Variants in MAP3K7CL observed in about 807,000 individuals in gnomAD.
MAP3K7CL encodes the protein MAP3K7 C-terminal-like protein.
MAP3K7CL carries 16 observed loss-of-function variants against 18.6 expected under a neutral mutation model. That is an observed-to-expected ratio of 0.86 (90% CI 0.58 to 1.31). The LOEUF (loss-of-function observed/expected upper bound fraction) is 1.31, where lower values mean the gene tolerates loss of function less well. MAP3K7CL is among the 50% of genes most tolerant of loss of function. The pLI is 0.00. For missense variants in MAP3K7CL, 163 were observed against 174.4 expected, an observed-to-expected ratio of 0.93 and a Z score of 0.37; for synonymous variants, 65 against 66.8, an observed-to-expected ratio of 0.97 and a Z score of 0.13.
chr21:29,132,741 C>T (rs1283414083), intron 1 of MAP3K7CL, among the ~76,000 whole-genome samples: 2 of 152,068 alleles, frequency 1.3e-5, no homozygotes, highest in Non-Finnish European at 2.9e-5. Flanking sequence ...AACTTCTGAC[C>T]TCAGGGGATC....
chr21:29,118,755 T>C (rs895539521), intron 4 of MAP3K7CL, among the ~76,000 whole-genome samples: 2 of 152,194 alleles, frequency 1.3e-5, no homozygotes, highest in African/African-American at 4.8e-5. Context: ...GGAGGACAAA[T>C]TATGAAGGGC....
intron 4 of MAP3K7CL, among the ~76,000 whole-genome samples, chr21:29,116,224 A>G (rs1373772200): frequency 6.6e-6 from 1 of 152,270 alleles, no homozygotes; most frequent in African/African-American, 2.4e-5. Flanking sequence ...TAACTCTGTC[A>G]CTGAACAAGC....
intron 1 of MAP3K7CL, chr21:29,091,390 T>C: frequency 1.7e-6 from 1 of 584,346 alleles, no homozygotes; most frequent in Admixed American, 3.3e-5. Flanking sequence ...TAAGTCACTC[T>C]AGTTCCCTCC....
At chr21:29,104,569 C>T (rs961748967) in intron 4 of MAP3K7CL, among the ~76,000 whole-genome samples, 2 of 152,166 alleles carry the variant, frequency 1.3e-5, no homozygotes, top group African/African-American at 2.4e-5. Context: ...CCTCCTTTGC[C>T]GAAGCCGGGA....
intron 3 of MAP3K7CL, among the ~76,000 whole-genome samples, chr21:29,150,776 T>G (rs2087252051): frequency 1.3e-5 from 2 of 150,048 alleles, no homozygotes; most frequent in Non-Finnish European, 3.0e-5. Flanking sequence ...CTTTCCTTTT[T>G]TTTTTTTTTT....
At chr21:29,100,944 C>A (rs1310746158) in intron 4 of MAP3K7CL, among the ~76,000 whole-genome samples, 2 of 151,256 alleles carry the variant, frequency 1.3e-5, no homozygotes, top group African/African-American at 4.9e-5. Flanking sequence ...GATCTCCTGA[C>A]CTCGTGATCC....
intron 4 of MAP3K7CL, among the ~76,000 whole-genome samples, chr21:29,094,514 C>T (rs1226983288): frequency 2.6e-5 from 4 of 152,170 alleles, no homozygotes; most frequent in Non-Finnish European, 5.9e-5. Context: ...GAGAGAAATC[C>T]TTCACTATGC....
At chr21:29,087,589 C>CTTTTTTTTTTTTT (rs56775764) in intron 1 of MAP3K7CL, among the ~76,000 whole-genome samples, 12 of 104,350 alleles carry the variant, frequency 1.1e-4, no homozygotes, top group Non-Finnish European at 1.7e-4. Context: ...TTTTCTTTTT[C>CTTTTTTTTTTTTT]TTTTTTTTTT....
At chr21:29,120,623 C>T (rs1009751833) in intron 4 of MAP3K7CL, among the ~76,000 whole-genome samples, 5 of 152,208 alleles carry the variant, frequency 3.3e-5, no homozygotes, top group Non-Finnish European at 7.3e-5. Flanking sequence ...ATATTCTACT[C>T]ATGAAGGTAT....
intron 4 of MAP3K7CL, among the ~76,000 whole-genome samples, chr21:29,110,720 T>C (rs2146558338): frequency 6.6e-6 from 1 of 152,266 alleles, no homozygotes; most frequent in East Asian, 1.9e-4. Context: ...TTTTGTTCTA[T>C]TTGCTGGTAG....
chr21:29,077,795 CAG>C (rs569899222), intron 1 of MAP3K7CL: 2 of 152,286 alleles, frequency 1.3e-5, no homozygotes, highest in African/African-American at 2.4e-5. Flanking sequence ...GGTTTTTGCG[CAG>C]AGTTTGCAAA....
intron 4 of MAP3K7CL, among the ~76,000 whole-genome samples, chr21:29,093,310 T>C (rs959598255): frequency 6.6e-6 from 1 of 152,260 alleles, no homozygotes; most frequent in Non-Finnish European, 1.5e-5. Flanking sequence ...TTTTTCATAC[T>C]GAATAATCTG....
intron 2 of MAP3K7CL, among the ~76,000 whole-genome samples, chr21:29,136,626 T>C (rs1331056116): frequency 6.6e-6 from 1 of 152,008 alleles, no homozygotes; most frequent in Non-Finnish European, 1.5e-5. Flanking sequence ...CCTGAGGTGA[T>C]TCTTCTGCCT....
At chr21:29,123,472 A>C (rs997172001) in intron 4 of MAP3K7CL, among the ~76,000 whole-genome samples, 2 of 152,218 alleles carry the variant, frequency 1.3e-5, no homozygotes, top group African/African-American at 4.8e-5. Flanking sequence ...TTTACAGTGG[A>C]CAGAGAGAAC....
intron 3 of MAP3K7CL, among the ~76,000 whole-genome samples, chr21:29,155,112 A>G (rs1328538763): frequency 6.6e-6 from 1 of 152,238 alleles, no homozygotes; most frequent in Non-Finnish European, 1.5e-5. Context: ...TAAAATATTT[A>G]AAGTTCTAAG....
At chr21:29,127,468 C>G (rs562060107), upstream of MAP3K7CL, among the ~76,000 whole-genome samples, 3 of 152,208 alleles carry the variant, frequency 2.0e-5, no homozygotes, top group Admixed American at 2.0e-4. Context: ...ACTTGGATTT[C>G]AGATTTGTTA....
intron 4 of MAP3K7CL, among the ~76,000 whole-genome samples, chr21:29,123,790 A>T (rs2086637695): frequency 1.3e-5 from 2 of 152,194 alleles, no homozygotes; most frequent in Admixed American, 6.5e-5. Context: ...GTTAATGAAG[A>T]GAGTGCTCTT....
Position 29,085,884 on chromosome 21 carries a change from A to G in MAP3K7CL, c.24A>G (p.Leu8=), listed in dbSNP as rs377209209. 7 of 1,614,064 alleles carry G rather than the reference A, an allele frequency of 4.3e-6. No homozygotes were observed. The East Asian group carries it at 1.1e-4, about 26-fold the overall frequency. ...AGATGGTTCAGCTGATTGCACCTTT[A>G]GAAGTTATGTGGAACGAGGCAGCAG... Residue 8 remains leucine (L), a synonymous_variant, in exon 1 of 7, where the codon TTA becomes TTG. Transcript: ENST00000286791.
exon 4 of MAP3K7CL, chr21:29,092,517 T>C (rs199761016): frequency 1.9e-6 from 3 of 1,614,122 alleles, no homozygotes; most frequent in Middle Eastern, 1.6e-4. Context: ...CTACTGGCGA[T>C]TGGATGCTCA....
Sources: gnomAD v4.1 joint callset for allele counts (sites outside exome capture counted in the v4.1 genomes callset) on GRCh38, gnomAD v4.1.1 for gene constraint, MANE v1.5 for transcripts, NCBI Gene and HGNC (gene_info 2026-07-23, HGNC 2026-07-21) for gene names.